C13orf42: variants seen among roughly 807,000 people sequenced by gnomAD.
The protein encoded by C13orf42 is chromosome 13 open reading frame 42, also known as uncharacterized protein C13orf42.
chr13:51,148,787 G>T (rs1209648927), intron 1 of C13orf42, among the ~76,000 whole-genome samples: 2 of 152,196 alleles, frequency 1.3e-5, no homozygotes, highest in Non-Finnish European at 2.9e-5. Flanking sequence ...GCTCTTTGAG[G>T]GTACCCTCCG....
chr13:51,103,691 ACT>A (rs141390940), intron 1 of C13orf42, among the ~76,000 whole-genome samples: 22,081 of 151,842 alleles, frequency 0.15, 2,056 homozygotes, highest in African/African-American at 0.27. Flanking sequence ...ACAGTGCAAG[ACT>A]CTGTCTCAAA....
At chr13:51,152,931 G>A (rs559338572) in intron 1 of C13orf42, among the ~76,000 whole-genome samples, 13 of 152,156 alleles carry the variant, frequency 8.5e-5, no homozygotes, top group East Asian at 3.9e-4. Context: ...TCATGTTCGC[G>A]GGCACCCTGG....
At chr13:51,156,321 G>C (rs1171868596) in intron 1 of C13orf42, among the ~76,000 whole-genome samples, 1 of 152,182 alleles carries the variant, frequency 6.6e-6, no homozygotes, top group Non-Finnish European at 1.5e-5. Flanking sequence ...GGTAACACAT[G>C]TATAGCTCTT....
intron 1 of C13orf42, among the ~76,000 whole-genome samples, chr13:51,093,965 T>TG (rs1196039612): frequency 6.6e-6 from 1 of 152,056 alleles, no homozygotes; most frequent in Non-Finnish European, 1.5e-5. Flanking sequence ...TTGTTTGTTT[T>TG]GGGGGGGTAT....
chr13:51,170,343 A>C, intron 1 of C13orf42, among the ~76,000 whole-genome samples: 1 of 151,370 alleles, frequency 6.6e-6, no homozygotes. Flanking sequence ...GGATCGGGGG[A>C]CCTCCCTTGG....
rs1054426363 is a variant in C13orf42, at chr13:51,085,226, T to C, written c.803+93A>G. The stretch of plus-strand genomic sequence containing the variant: ...ATATATATATGAATAATATTTGGCA[T>C]GTAAGATGGGGCTGGAGGCACCTTA... On this transcript the variant is annotated intron_variant, in intron 3 of 3. Transcript: ENST00000563710. 8.8e-5 allele frequency: 32 copies of C among 364,170 alleles called. No homozygotes were observed. In the East Asian group the frequency reaches 1.2e-3, roughly 13 times the overall value. The allele number at this position is 364,170 out of a possible 1,614,324, so 22.6% of individuals were successfully genotyped here.
chr13:51,105,492 C>T (rs1280728720), intron 1 of C13orf42, among the ~76,000 whole-genome samples: 1 of 152,208 alleles, frequency 6.6e-6, no homozygotes, highest in East Asian at 1.9e-4. Flanking sequence ...TCACACAAGA[C>T]TCCCTAAGTC....
At chr13:51,143,177 A>G (rs1953708704) in intron 1 of C13orf42, among the ~76,000 whole-genome samples, 1 of 152,198 alleles carries the variant, frequency 6.6e-6, no homozygotes, top group South Asian at 2.1e-4. Context: ...ACAGCAATTA[A>G]AGCCTCATCT....
At chr13:51,168,180 G>T (rs2138054674) in intron 1 of C13orf42, among the ~76,000 whole-genome samples, 1 of 152,272 alleles carries the variant, frequency 6.6e-6, no homozygotes, top group Middle Eastern at 3.4e-3. Context: ...CCCATTTATG[G>T]TCTCTTTTTC....
intron 1 of C13orf42, among the ~76,000 whole-genome samples, chr13:51,109,349 C>T (rs1407866655): frequency 6.6e-6 from 1 of 152,182 alleles, no homozygotes; most frequent in Non-Finnish European, 1.5e-5. Flanking sequence ...GGGGAGAAAG[C>T]AAGGAAGCGG....
chr13:51,170,248 G>T (rs1022904265), intron 1 of C13orf42, among the ~76,000 whole-genome samples: 1 of 152,140 alleles, frequency 6.6e-6, no homozygotes, highest in East Asian at 1.9e-4. Flanking sequence ...CTGCACCCAG[G>T]TGAAATAAAC....
intron 1 of C13orf42, among the ~76,000 whole-genome samples, chr13:51,156,236 T>C (rs1953823567): frequency 6.6e-6 from 1 of 151,764 alleles, no homozygotes; most frequent in African/African-American, 2.4e-5. Flanking sequence ...AGGCCTATAT[T>C]TCTACTTTAT....
At chr13:51,161,395 G>A (rs1165349408) in intron 1 of C13orf42, among the ~76,000 whole-genome samples, 1 of 151,990 alleles carries the variant, frequency 6.6e-6, no homozygotes, top group African/African-American at 2.4e-5. Flanking sequence ...TACCCACCCT[G>A]GAGAAACTGG....
intron 1 of C13orf42, among the ~76,000 whole-genome samples, chr13:51,168,201 A>G (rs1199772357): frequency 6.6e-6 from 1 of 152,244 alleles, no homozygotes; most frequent in Non-Finnish European, 1.5e-5. Flanking sequence ...ACAGACAAGA[A>G]AATGTGCCAA....
intron 1 of C13orf42, among the ~76,000 whole-genome samples, chr13:51,108,627 T>G (rs188979718): frequency 1.6e-4 from 24 of 152,354 alleles, no homozygotes; most frequent in Admixed American, 6.5e-4. Flanking sequence ...GTACCTGGTA[T>G]GTGCTAGGAA....
chr13:51,106,559 C>T (rs1259928178), intron 1 of C13orf42, among the ~76,000 whole-genome samples: 4 of 152,154 alleles, frequency 2.6e-5, no homozygotes, highest in Middle Eastern at 6.3e-3. Context: ...TCTCTTAACG[C>T]CCCCAAGCCC....
chr13:51,166,434 G>C (rs1190719402), intron 1 of C13orf42, among the ~76,000 whole-genome samples: 7 of 118,308 alleles, frequency 5.9e-5, no homozygotes, highest in Non-Finnish European at 1.1e-4. Context: ...CACACTGTGG[G>C]GACTGTGGTG....
chr13:51,153,358 G>A (rs553173964), intron 1 of C13orf42, among the ~76,000 whole-genome samples: 1 of 152,106 alleles, frequency 6.6e-6, no homozygotes, highest in East Asian at 1.9e-4. Flanking sequence ...ATGAGGTCCT[G>A]GGCACCTATA....
At chr13:51,112,762 G>A (rs188255690), upstream of C13orf42, among the ~76,000 whole-genome samples, 8 of 152,270 alleles carry the variant, frequency 5.3e-5, no homozygotes, top group Non-Finnish European at 7.4e-5. Context: ...TATGAGACTT[G>A]TCTGTGGTCT....
Sources: allele counts gnomAD v4.1 joint callset (sites outside exome capture counted in the v4.1 genomes callset), GRCh38; gene constraint gnomAD v4.1.1; transcripts MANE v1.5; gene names NCBI Gene and HGNC (gene_info 2026-07-23, HGNC 2026-07-21).